The following NFIB variants were observed in gnomAD, a reference collection of about 807,000 sequenced individuals.
The protein encoded by NFIB is nuclear factor I B, also known as nuclear factor 1 B-type.
Under a neutral mutation model 61.5 loss-of-function variants are expected in NFIB, and 11 were observed. The ratio of observed to expected loss-of-function variants is 0.18; its 90% CI spans 0.11 to 0.30. The LOEUF (loss-of-function observed/expected upper bound fraction) is 0.30, where lower values mean the gene tolerates loss of function less well. Among genes scored for constraint, NFIB ranks in the 10% least tolerant of loss-of-function variants. The probability of loss-of-function intolerance (pLI) is 1.00; values close to 1 mark genes in which losing one functional copy is unlikely to be tolerated. For synonymous variants in NFIB, 260 were observed against 216.5 expected (o/e 1.20, Z -1.76); for missense variants, 471 against 608.9 (o/e 0.77, Z 2.38).
intron 2 of NFIB, among the ~76,000 whole-genome samples, chr9:14,216,530 CTCTCTCTCTCTCCCTCTG>C (rs1170911607): frequency 5.5e-4 from 30 of 54,614 alleles, no homozygotes; most frequent in African/African-American, 1.2e-3. Flanking sequence ...CTCTCTCTCT[CTCTCTCTCTCTCCCTCTG>C]TGTGTGTGTG....
intron 1 of NFIB, among the ~76,000 whole-genome samples, chr9:14,351,644 A>G (rs1404676288): frequency 1.3e-5 from 2 of 152,186 alleles, no homozygotes; most frequent in Non-Finnish European, 2.9e-5. Flanking sequence ...CTTTCTGTCT[A>G]TCCTAGATGA....
chr9:14,446,450 G>C, the NFIB span, among the ~76,000 whole-genome samples: 1 of 152,050 alleles, frequency 6.6e-6, no homozygotes, highest in African/African-American at 2.4e-5. Context: ...GTTATCTTAT[G>C]CTTCTTTCTG....
At position 14,120,322 on chromosome 9, in the gene NFIB, G is replaced by A; in HGVS notation, c.1245+118C>T. 1 of 1,116,030 alleles carries A rather than the reference G, an allele frequency of 9.0e-7. No homozygotes were observed. Among genetic ancestry groups the A allele is most frequent in the Non-Finnish European group, 1.3e-6 (1 of 744,054 alleles). The allele number at this position is 1,116,030 out of a possible 1,614,324, so 69.1% of individuals were successfully genotyped here. A position where few individuals can be genotyped will look rare whatever the true frequency, so the allele number is the denominator to read the frequency against. On this transcript the variant is annotated intron_variant, in intron 8 of 10. Transcript: ENST00000380953. This position sits in a 1 kb window ranked among gnomAD's most constrained non-coding sequence, Gnocchi z 4.4. ...TTGAGTCACCAAGCAACTTCCTGAA[G>A]ATGGATTTCAAGGCTTGACGTTCTG... is the stretch of plus-strand genomic sequence containing the variant.
intron 10 of NFIB, among the ~76,000 whole-genome samples, chr9:14,100,497 A>C (rs1418509492): frequency 1.3e-5 from 2 of 151,872 alleles, no homozygotes; most frequent in Admixed American, 6.6e-5. Flanking sequence ...TCACGAGGTT[A>C]GGAGATCGAG....
At chr9:14,294,924 A>T (rs1285943273) in intron 2 of NFIB, among the ~76,000 whole-genome samples, 1 of 152,180 alleles carries the variant, frequency 6.6e-6, no homozygotes, top group Non-Finnish European at 1.5e-5. Context: ...GGCCGTAGGG[A>T]AACAAGCACC....
At chr9:14,462,428 A>G in the NFIB span, among the ~76,000 whole-genome samples, 90 of 151,780 alleles carry the variant, frequency 5.9e-4, no homozygotes, top group Admixed American at 2.0e-3. Context: ...GACTACAGGC[A>G]CCCGCCACCA....
At chr9:14,143,189 A>T (rs1213444523) in intron 6 of NFIB, among the ~76,000 whole-genome samples, 1 of 151,930 alleles carries the variant, frequency 6.6e-6, no homozygotes, top group Non-Finnish European at 1.5e-5. Context: ...TTTTGAAAAG[A>T]AATTACATAA....
chr9:14,511,197 GA>G, the NFIB span, among the ~76,000 whole-genome samples: 1 of 151,902 alleles, frequency 6.6e-6, no homozygotes, highest in Non-Finnish European at 1.5e-5. Context: ...TTTTATAGAA[GA>G]AAAAAGTAAC....
the NFIB span, among the ~76,000 whole-genome samples, chr9:14,426,701 G>GA: frequency 6.6e-6 from 1 of 152,180 alleles, no homozygotes; most frequent in African/African-American, 2.4e-5. Context: ...ATATTTCCAG[G>GA]AGCACCCAGG....
intron 10 of NFIB, among the ~76,000 whole-genome samples, chr9:14,106,791 T>C (rs1214619610): frequency 6.6e-6 from 1 of 152,070 alleles, no homozygotes; most frequent in Non-Finnish European, 1.5e-5. Flanking sequence ...GGTCTTTTGT[T>C]AAATACACAG....
the NFIB span, among the ~76,000 whole-genome samples, chr9:14,431,812 C>T: frequency 6.6e-6 from 1 of 152,226 alleles, no homozygotes; most frequent in South Asian, 2.1e-4. Context: ...CTCCCCTGGT[C>T]CAAGCAGTTG....
intron 2 of NFIB, among the ~76,000 whole-genome samples, chr9:14,294,810 G>A (rs993885313): frequency 2.6e-5 from 4 of 152,068 alleles, no homozygotes. Context: ...TTTACCCTAC[G>A]TCAATGTGAC....
At chr9:14,449,278 G>A in the NFIB span, among the ~76,000 whole-genome samples, 21 of 152,166 alleles carry the variant, frequency 1.4e-4, no homozygotes, top group African/African-American at 4.1e-4. Flanking sequence ...TGCTTCAAGC[G>A]GTGATTCTCA....
intron 2 of NFIB, among the ~76,000 whole-genome samples, chr9:14,220,188 G>A (rs541939281): frequency 1.3e-5 from 2 of 152,222 alleles, no homozygotes; most frequent in South Asian, 4.1e-4. Context: ...TCTTCATCAA[G>A]GATTATCAGA....
intron 10 of NFIB, among the ~76,000 whole-genome samples, chr9:14,111,144 C>T (rs1311263623): frequency 6.6e-6 from 1 of 152,038 alleles, no homozygotes; most frequent in Non-Finnish European, 1.5e-5. Context: ...TTCTAGAACT[C>T]ATAGTTTTTA....
chr9:14,433,401 T>C, the NFIB span, among the ~76,000 whole-genome samples: 1 of 152,206 alleles, frequency 6.6e-6, no homozygotes, highest in East Asian at 1.9e-4. Flanking sequence ...CTTCTTACAT[T>C]ATCCAATGAT....
chr9:14,443,579 T>G, the NFIB span, among the ~76,000 whole-genome samples: 3 of 152,204 alleles, frequency 2.0e-5, no homozygotes, highest in East Asian at 3.9e-4. Flanking sequence ...CCATTTATTC[T>G]AACCTGGCCC....
At chr9:14,269,772 T>C (rs1253046983) in intron 2 of NFIB, among the ~76,000 whole-genome samples, 1 of 152,152 alleles carries the variant, frequency 6.6e-6, no homozygotes. Flanking sequence ...CAGAATCAGA[T>C]ATACTCTTTA....
rs576919479 is a variant in NFIB at position 14,185,150 on chromosome 9, T to TA, written c.563-5371dup. Among the ~76,000 whole-genome samples, 33 of 151,878 alleles carry TA rather than the reference T, an allele frequency of 2.2e-4. 1 individual carries two copies. In the South Asian group the frequency reaches 5.6e-3, roughly 26 times the overall value. Reference sequence around the variant, plus strand: ...GCCTGAAGAGACAGAAATATACAAATAAAAAAATACATAAATCAAGAGGGG... The same window carrying TA: ...GCCTGAAGAGACAGAAATATACAAATAAAAAAAATACATAAATCAAGAGGGG... On this transcript the variant is annotated intron_variant, in intron 2 of 10. Coordinates refer to ENST00000380953, the MANE Select transcript of NFIB (RefSeq NM_001190737.2).
Sources: gnomAD v4.1 joint callset for allele counts (sites outside exome capture counted in the v4.1 genomes callset) on GRCh38, gnomAD v4.1.1 for gene constraint, Gnocchi (gnomAD v3.1) non-coding constraint, MANE v1.5 for transcripts, NCBI Gene and HGNC (gene_info 2026-07-23, HGNC 2026-07-21) for gene names.